Variants in FBXL13 observed in about 807,000 individuals in gnomAD.
FBXL13 encodes F-box and leucine-rich repeat protein 13.
FBXL13 carries 67 observed loss-of-function variants against 83.6 expected under a neutral mutation model. The observed-to-expected ratio is 0.80, with a 90% CI of 0.66 to 0.98. The LOEUF (loss-of-function observed/expected upper bound fraction) is 0.98, where lower values mean the gene tolerates loss of function less well. Among genes scored for constraint, FBXL13 ranks in the 50% least tolerant of loss-of-function variants. The pLI is 0.00. For synonymous variants in FBXL13, 272 were observed against 299.5 expected (o/e 0.91, Z 0.95); for missense variants, 822 against 866.5 (o/e 0.95, Z 0.64).
At chr7:102,906,770 A>T (rs1394855937) in intron 11 of FBXL13, among the ~76,000 whole-genome samples, 1 of 152,076 alleles carries the variant, frequency 6.6e-6, no homozygotes, top group Non-Finnish European at 1.5e-5. Context: ...TGCCTTTAGG[A>T]TCCTCTCTTT....
At chr7:102,829,811 G>A (rs545132524) in intron 18 of FBXL13, among the ~76,000 whole-genome samples, 1 of 152,228 alleles carries the variant, frequency 6.6e-6, no homozygotes, top group South Asian at 2.1e-4. Context: ...ACAGAATGAT[G>A]AGCCAGACAC....
At chr7:102,958,578 CAGAG>C (rs142556183) in intron 8 of FBXL13, among the ~76,000 whole-genome samples, 5 of 150,086 alleles carry the variant, frequency 3.3e-5, no homozygotes, top group African/African-American at 4.9e-5. Flanking sequence ...AAAACAGAGA[CAGAG>C]AGAGCAAATT....
At chr7:102,819,930 G>A (rs1254430755) in intron 19 of FBXL13, among the ~76,000 whole-genome samples, 2 of 152,194 alleles carry the variant, frequency 1.3e-5, no homozygotes, top group Non-Finnish European at 2.9e-5. Flanking sequence ...ATCGCAGAAA[G>A]CTGCATGCAA....
At chr7:102,949,058 A>G (rs964609934) in intron 8 of FBXL13, among the ~76,000 whole-genome samples, 1 of 152,170 alleles carries the variant, frequency 6.6e-6, no homozygotes, top group East Asian at 1.9e-4. Flanking sequence ...CTAAAATTTT[A>G]CTGGTATAAG....
At chr7:102,958,724 A>T (rs999365529) in intron 8 of FBXL13, among the ~76,000 whole-genome samples, 2 of 151,620 alleles carry the variant, frequency 1.3e-5, no homozygotes, top group East Asian at 3.9e-4. Flanking sequence ...CCAAGAATGA[A>T]TTTTTTTTCA....
intron 8 of FBXL13, among the ~76,000 whole-genome samples, chr7:102,937,860 T>C (rs2129474585): frequency 6.6e-6 from 1 of 152,280 alleles, no homozygotes; most frequent in East Asian, 1.9e-4. Flanking sequence ...GTATACCACA[T>C]ATACATGGTC....
At chr7:102,874,507 G>T in intron 16 of FBXL13, 1 of 301,666 alleles carries the variant, frequency 3.3e-6, no homozygotes, top group Non-Finnish European at 4.9e-6. Flanking sequence ...ATATGCTTCA[G>T]AAGAAAATAA....
chr7:102,984,082 G>A (rs1409087191), intron 6 of FBXL13, among the ~76,000 whole-genome samples: 1 of 152,284 alleles, frequency 6.6e-6, no homozygotes, highest in East Asian at 1.9e-4. Flanking sequence ...ATAAGTGGTT[G>A]ATTGGGAACA....
At chr7:102,958,949 A>G (rs1012981503) in intron 8 of FBXL13, among the ~76,000 whole-genome samples, 2 of 152,130 alleles carry the variant, frequency 1.3e-5, no homozygotes, top group African/African-American at 4.8e-5. Flanking sequence ...CATGAAAAAT[A>G]TGAAAAAGGA....
intron 19 of FBXL13, among the ~76,000 whole-genome samples, chr7:102,815,516 C>T (rs1797872811): frequency 6.6e-6 from 1 of 152,138 alleles, no homozygotes; most frequent in African/African-American, 2.4e-5. Flanking sequence ...CTCCTGCCCC[C>T]TGCCTCCCAA....
At chr7:103,056,015 C>T (rs975331524) in intron 1 of FBXL13, among the ~76,000 whole-genome samples, 9 of 152,108 alleles carry the variant, frequency 5.9e-5, no homozygotes, top group Non-Finnish European at 1.0e-4. Flanking sequence ...CCCACTCTTT[C>T]CCCCAAGTCC....
At chr7:102,934,282 G>A (rs1439600948) in intron 8 of FBXL13, 1 of 1,614,004 alleles carries the variant, frequency 6.2e-7, no homozygotes, top group Admixed American at 1.7e-5. Flanking sequence ...TTGAGAGTGA[G>A]GCGTTCTTTG....
In FBXL13 at chr7:102,922,064, C is replaced by A. The variant is rs182839034; in HGVS notation, c.878+4210G>T. On this transcript the variant is annotated intron_variant, in intron 10 of 19. Coordinates refer to ENST00000313221, the Ensembl canonical transcript of FBXL13. ...AATCAGCAGAGTGTGGTGGCAGACA[C>A]CTGTAATCCTAGTTACTCAGGAGGC... Among the ~76,000 whole-genome samples the A allele has an allele frequency of 2.0e-3, 299 of 152,170 alleles. 4 individuals carry two copies. Among genetic ancestry groups the A allele is most frequent in the South Asian group, 0.017 (84 of 4,822 alleles).
At chr7:102,816,197 A>T (rs911737489) in intron 19 of FBXL13, 1 of 152,182 alleles carries the variant, frequency 6.6e-6, no homozygotes, top group African/African-American at 2.4e-5. Flanking sequence ...TACTGACTGG[A>T]GGGGAGCAAA....
chr7:103,026,714 G>T (rs989912419), intron 5 of FBXL13, among the ~76,000 whole-genome samples: 1 of 152,158 alleles, frequency 6.6e-6, no homozygotes. Flanking sequence ...GTGTGCTATT[G>T]TCAGTCTCAA....
chr7:102,902,131 C>T (rs748196937), intron 11 of FBXL13, among the ~76,000 whole-genome samples: 5 of 152,094 alleles, frequency 3.3e-5, no homozygotes, highest in South Asian at 2.1e-4. Flanking sequence ...GCCATTTTAA[C>T]GGGGGTAAGA....
chr7:103,058,277 T>C (rs1360204879), intron 1 of FBXL13, among the ~76,000 whole-genome samples: 1 of 152,172 alleles, frequency 6.6e-6, no homozygotes, highest in Admixed American at 6.5e-5. Flanking sequence ...ACCAAGCCCA[T>C]AGTAACTGCT....
intron 6 of FBXL13, among the ~76,000 whole-genome samples, 163 bp downstream of exon 7, chr7:103,024,900 G>A (rs10273537): frequency 1.5e-4 from 15 of 98,768 alleles, no homozygotes; most frequent in African/African-American, 3.0e-4. Context: ...TGCTATTGTC[G>A]CCCAGGCTGG....
At chr7:102,839,082 A>G (rs1254667600) in intron 17 of FBXL13, among the ~76,000 whole-genome samples, 2 of 152,126 alleles carry the variant, frequency 1.3e-5, no homozygotes, top group Non-Finnish European at 2.9e-5. Context: ...TAGGAGAAAA[A>G]CCGCCCTATG....
Sources: allele counts gnomAD v4.1 joint callset (sites outside exome capture counted in the v4.1 genomes callset), GRCh38; gene constraint gnomAD v4.1.1; transcripts MANE v1.5; gene names NCBI Gene and HGNC (gene_info 2026-07-23, HGNC 2026-07-21).